The following TMEM232 variants were observed in gnomAD, a reference collection of about 807,000 sequenced individuals.
The protein encoded by TMEM232 is transmembrane protein 232.
Under a neutral mutation model 78.8 loss-of-function variants are expected in TMEM232, and 80 were observed. The observed-to-expected ratio is 1.01, with a 90% confidence interval of 0.85 to 1.22. The LOEUF is 1.22. Ranked by LOEUF, TMEM232 falls within the 50% of genes most tolerant of loss-of-function variation. TMEM232 has a pLI of 0.00. For missense variants in TMEM232, 881 were observed against 742.2 expected (o/e 1.19, Z -2.17); for synonymous variants, 297 against 254.3 (o/e 1.17, Z -1.60).
intron 11 of TMEM232, among the ~76,000 whole-genome samples, chr5:110,540,529 G>T (rs930422278): frequency 6.6e-6 from 1 of 152,172 alleles, no homozygotes; most frequent in African/African-American, 2.4e-5. Context: ...CCTGCGAGCA[G>T]GTCATTGCAC....
At chr5:110,587,889 A>G (rs1779055659) in intron 10 of TMEM232, among the ~76,000 whole-genome samples, 1 of 151,582 alleles carries the variant, frequency 6.6e-6, no homozygotes, top group African/African-American at 2.4e-5. Context: ...ATACTTTTAG[A>G]TGTGTCAGCA....
intron 12 of TMEM232, among the ~76,000 whole-genome samples, chr5:110,526,256 A>G (rs1437432000): frequency 6.6e-6 from 1 of 151,540 alleles, no homozygotes. Context: ...CGGCAAAAAA[A>G]TGCTATAAGC....
intron 12 of TMEM232, among the ~76,000 whole-genome samples, chr5:110,503,794 C>T (rs1766545621): frequency 6.6e-6 from 1 of 152,160 alleles, no homozygotes; most frequent in Non-Finnish European, 1.5e-5. Context: ...TTCACCTTAC[C>T]TTCTGCTTTA....
At chr5:110,582,275 G>T (rs1261718338) in intron 10 of TMEM232, among the ~76,000 whole-genome samples, 2 of 151,846 alleles carry the variant, frequency 1.3e-5, no homozygotes, top group Admixed American at 1.3e-4. Context: ...TCCATCAACA[G>T]TGAACTGGAT....
downstream of TMEM232, among the ~76,000 whole-genome samples, chr5:110,414,630 A>C (rs1756120182): frequency 6.6e-6 from 1 of 152,350 alleles, no homozygotes; most frequent in East Asian, 1.9e-4. Context: ...TCAGTAAGTC[A>C]GTTTCAAAAT....
chr5:110,597,692 C>T (rs1358382980), intron 10 of TMEM232, among the ~76,000 whole-genome samples: 21 of 151,456 alleles, frequency 1.4e-4, no homozygotes, highest in African/African-American at 4.6e-4. Flanking sequence ...CAGAACAGAG[C>T]CCTCAGAAAT....
chr5:110,545,831 A>G (rs1242624030), intron 11 of TMEM232, among the ~76,000 whole-genome samples: 2 of 152,158 alleles, frequency 1.3e-5, no homozygotes, highest in African/African-American at 4.8e-5. Context: ...CATATACCAG[A>G]TGGCAGAAAA....
chr5:110,635,415 CAT>C (rs1224009730), intron 5 of TMEM232, among the ~76,000 whole-genome samples: 4 of 152,096 alleles, frequency 2.6e-5, no homozygotes, highest in Non-Finnish European at 4.4e-5. Flanking sequence ...CCCTAATGCA[CAT>C]AGACTCCAAA....
At chr5:110,734,627 C>G (rs1798986571) in intron 2 of TMEM232, among the ~76,000 whole-genome samples, 1 of 152,048 alleles carries the variant, frequency 6.6e-6, no homozygotes, top group South Asian at 2.1e-4. Flanking sequence ...AAATTTATAC[C>G]CAATTCACAA....
At chr5:110,606,390 C>CA in intron 8 of TMEM232, 103 bp from the exon 9 acceptor site, 2 of 1,100,218 alleles carry the variant, frequency 1.8e-6, no homozygotes, top group Non-Finnish European at 2.5e-6. Flanking sequence ...AAATGCATGT[C>CA]TGCATTACCA....
At chr5:110,621,622 T>G (rs888149652) in intron 7 of TMEM232, among the ~76,000 whole-genome samples, 1 of 152,152 alleles carries the variant, frequency 6.6e-6, no homozygotes, top group Non-Finnish European at 1.5e-5. Context: ...TTACCACAGA[T>G]AGTTTGAAAA....
At chr5:110,514,846 T>C (rs1195786743) in intron 12 of TMEM232, among the ~76,000 whole-genome samples, 2 of 152,210 alleles carry the variant, frequency 1.3e-5, no homozygotes, top group Non-Finnish European at 2.9e-5. Flanking sequence ...AGAAAGTGAC[T>C]CTTCTTTGAT....
intron 10 of TMEM232, among the ~76,000 whole-genome samples, chr5:110,583,686 G>A (rs1164319423): frequency 6.6e-6 from 1 of 151,772 alleles, no homozygotes; most frequent in Non-Finnish European, 1.5e-5. Flanking sequence ...AAAATCAACA[G>A]AGTAAAATGA....
chr5:110,524,395 GAAAGAAAGAAAGAAAGAAAGAAAAGA>G (rs1436652272), intron 12 of TMEM232, among the ~76,000 whole-genome samples: 1,623 of 82,034 alleles, frequency 0.02, 11 homozygotes, highest in South Asian at 0.038. Flanking sequence ...AAGAAAGAAA[GAAAGAAAGAAAGAAAGAAAGAAAAGA>G]AAAGAAAAGA....
At chr5:110,609,749 T>C (rs768088144) in intron 8 of TMEM232, among the ~76,000 whole-genome samples, 7 of 152,138 alleles carry the variant, frequency 4.6e-5, no homozygotes, top group Non-Finnish European at 8.8e-5. Flanking sequence ...TTGTTATGAA[T>C]GCTGTGAACA....
chr5:110,412,594 G>A (rs936689670), intron 2 of TMEM232, among the ~76,000 whole-genome samples: 3 of 151,070 alleles, frequency 2.0e-5, no homozygotes, highest in African/African-American at 7.3e-5. Context: ...GAATAACAAT[G>A]ACAAGAAGAG....
chr5:110,517,465 G>A (rs1241900153), intron 12 of TMEM232, among the ~76,000 whole-genome samples: 1 of 152,200 alleles, frequency 6.6e-6, no homozygotes, highest in Non-Finnish European at 1.5e-5. Context: ...CTCCTAATAA[G>A]ACAGAAAATA....
At chr5:110,685,784 GTT>G (rs1478681969) in intron 1 of TMEM232, among the ~76,000 whole-genome samples, 1 of 152,100 alleles carries the variant, frequency 6.6e-6, no homozygotes, top group East Asian at 1.9e-4. Context: ...TTTGTGGTAT[GTT>G]TATATAATAG....
chr5:110,415,074 C>T (rs769499064), downstream of TMEM232, among the ~76,000 whole-genome samples: 1 of 152,166 alleles, frequency 6.6e-6, no homozygotes, highest in Non-Finnish European at 1.5e-5. Flanking sequence ...GGAGCTAATG[C>T]TACTAACCTG....
Sources: gnomAD v4.1 joint callset for allele counts (sites outside exome capture counted in the v4.1 genomes callset) on GRCh38, gnomAD v4.1.1 for gene constraint, MANE v1.5 for transcripts, NCBI Gene and HGNC (gene_info 2026-07-23, HGNC 2026-07-21) for gene names.